Variants in PARD3B observed in about 807,000 individuals in gnomAD.
PARD3B encodes the protein par-3 family cell polarity regulator beta.
A neutral mutation model predicts 130.2 loss-of-function variants in PARD3B; 103 were observed. The observed-to-expected ratio is 0.79, with a 90% CI of 0.67 to 0.93. PARD3B has a LOEUF of 0.93. Among genes scored for constraint, PARD3B ranks in the 40% least tolerant of loss-of-function variants. The pLI, the probability that PARD3B is intolerant of heterozygous loss-of-function variation, is 0.00. For missense variants in PARD3B, 1,609 were observed against 1,499.2 expected, an observed-to-expected ratio of 1.07 and a Z score of -1.21; for synonymous variants, 583 against 553.2, an observed-to-expected ratio of 1.05 and a Z score of -0.76.
chr2:204,918,168 T>C (rs912927580), intron 2 of PARD3B, among the ~76,000 whole-genome samples: 3 of 152,222 alleles, frequency 2.0e-5, no homozygotes, highest in Non-Finnish European at 1.5e-5. Context: ...ATGTAAAATA[T>C]ATACCTTCAA....
At chr2:205,236,789 C>G (rs2039081842) in intron 15 of PARD3B, among the ~76,000 whole-genome samples, 1 of 152,138 alleles carries the variant, frequency 6.6e-6, no homozygotes, top group Non-Finnish European at 1.5e-5. Context: ...CATCACGTTA[C>G]TGACATCACT....
At chr2:205,104,349 C>T (rs1703042125) in intron 4 of PARD3B, 77 bp from the exon 5 acceptor site, 8 of 1,065,844 alleles carry the variant, frequency 7.5e-6, no homozygotes, top group African/African-American at 3.1e-5. Context: ...GTTTACTCTC[C>T]CATATTGGGA....
chr2:205,455,196 T>C (rs1415851087), intron 20 of PARD3B, among the ~76,000 whole-genome samples: 1 of 152,058 alleles, frequency 6.6e-6, no homozygotes, highest in African/African-American at 2.4e-5. Flanking sequence ...TCTGGCTCAG[T>C]TTCCACATCT....
intron 1 of PARD3B, among the ~76,000 whole-genome samples, chr2:204,569,677 G>C (rs889217645): frequency 2.0e-5 from 3 of 152,176 alleles, no homozygotes; most frequent in Non-Finnish European, 4.4e-5. Flanking sequence ...AGAAATTTTA[G>C]ATCTTCCCTT....
At chr2:205,534,118 T>C (rs552424404) in intron 21 of PARD3B, among the ~76,000 whole-genome samples, 3 of 152,046 alleles carry the variant, frequency 2.0e-5, no homozygotes, top group Admixed American at 2.0e-4. Flanking sequence ...ATAACTATTA[T>C]TTCACTTGAT....
intron 3 of PARD3B, among the ~76,000 whole-genome samples, chr2:205,029,612 C>T (rs759050923): frequency 3.3e-5 from 5 of 152,194 alleles, no homozygotes; most frequent in African/African-American, 7.2e-5. Context: ...GCTCCTACAG[C>T]GCTTTCCAGT....
chr2:204,613,610 C>T (rs2034007731), intron 1 of PARD3B, among the ~76,000 whole-genome samples: 1 of 151,900 alleles, frequency 6.6e-6, no homozygotes, highest in African/African-American at 2.4e-5. Context: ...TTTTCCCTTT[C>T]TTTGTCTTTT....
In PARD3B at chr2:205,591,785, A is replaced by G. The variant is rs2054394417; in HGVS notation, c.3261-23671A>G. ...ATAAAAAGAGAAGGTCTGGTGGTTC[A>G]GGTCACTGAAGAAAAGGAAGCTGTC... On this transcript the variant is annotated intron_variant, in intron 22 of 22. Transcript: ENST00000406610. This position sits in a 1 kb window ranked among gnomAD's most constrained non-coding sequence, Gnocchi z 4.2. 6.6e-6 allele frequency among the ~76,000 whole-genome samples: 1 copy of G among 152,216 alleles called. No individual in the cohort carries two copies. The highest frequency in any genetic ancestry group is 1.5e-5 in the Non-Finnish European group (1 of 68,032).
At chr2:205,053,872 G>A (rs1699407637) in intron 4 of PARD3B, among the ~76,000 whole-genome samples, 1 of 152,036 alleles carries the variant, frequency 6.6e-6, no homozygotes, top group Non-Finnish European at 1.5e-5. Flanking sequence ...GCATTATTTA[G>A]AGATACTGAA....
At chr2:204,574,139 T>C (rs539244836) in intron 1 of PARD3B, among the ~76,000 whole-genome samples, 251 of 152,306 alleles carry the variant, frequency 1.6e-3, no homozygotes, top group African/African-American at 5.5e-3. Context: ...TGTTTAGTTA[T>C]TGTGTACAGC....
At chr2:205,019,005 C>T (rs1268647250) in intron 3 of PARD3B, among the ~76,000 whole-genome samples, 2 of 152,080 alleles carry the variant, frequency 1.3e-5, no homozygotes, top group African/African-American at 4.8e-5. Context: ...ACATATTGTT[C>T]ACCTACTTAA....
chr2:205,115,708 C>T (rs572131604), intron 6 of PARD3B, among the ~76,000 whole-genome samples: 8 of 152,210 alleles, frequency 5.3e-5, no homozygotes, highest in Admixed American at 3.3e-4. Flanking sequence ...TAACTCAACC[C>T]ATGTGTCTAG....
Position 204,677,072 on chromosome 2 carries a change from T to A in PARD3B, c.121-9109T>A, listed in dbSNP as rs1053120297. Among the ~76,000 whole-genome samples the A allele has an allele frequency of 1.4e-4, 22 of 152,182 alleles. No individual in the cohort carries two copies. The highest frequency in any genetic ancestry group is 3.9e-4 in the Admixed American group (6 of 15,282). On this transcript the variant is annotated intron_variant, in intron 1 of 22. Coordinates refer to ENST00000406610, the MANE Select transcript of PARD3B (RefSeq NM_001302769.2). This position sits in a 1 kb window ranked among gnomAD's most constrained non-coding sequence, Gnocchi z 4.1. ...CAGAAAAAGCCAAATCTCTCTTTTA[T>A]GTGGAAGGCTTTTAGTTGGATTGGA...
intron 1 of PARD3B, among the ~76,000 whole-genome samples, chr2:204,645,080 G>A: frequency 6.6e-6 from 1 of 152,220 alleles, no homozygotes; most frequent in Middle Eastern, 3.4e-3. Flanking sequence ...GATTTTATTT[G>A]ATATTAAAGC....
At chr2:205,478,284 T>G (rs2049097532) in intron 20 of PARD3B, among the ~76,000 whole-genome samples, 1 of 152,198 alleles carries the variant, frequency 6.6e-6, no homozygotes, top group Admixed American at 6.5e-5. Flanking sequence ...AACCTGTCTG[T>G]GTGTCTCTCC....
intron 16 of PARD3B, among the ~76,000 whole-genome samples, chr2:205,282,760 A>C (rs1363029371): frequency 6.6e-6 from 1 of 152,170 alleles, no homozygotes; most frequent in Non-Finnish European, 1.5e-5. Flanking sequence ...AAGTTCTCTG[A>C]AAAGGAAGTT....
intron 21 of PARD3B, among the ~76,000 whole-genome samples, chr2:205,541,890 T>A (rs889893676): frequency 2.0e-5 from 3 of 149,072 alleles, no homozygotes; most frequent in African/African-American, 7.4e-5. Flanking sequence ...ACACCTGTAA[T>A]CCCAGCACTT....
At chr2:205,133,648 G>A (rs1329156166) in intron 10 of PARD3B, among the ~76,000 whole-genome samples, 2 of 152,172 alleles carry the variant, frequency 1.3e-5, no homozygotes, top group African/African-American at 4.8e-5. Context: ...GTCTTGTTCT[G>A]GGAAAAATAT....
At chr2:205,036,273 A>C (rs1312320741) in intron 3 of PARD3B, among the ~76,000 whole-genome samples, 1 of 103,058 alleles carries the variant, frequency 9.7e-6, no homozygotes, top group East Asian at 2.0e-4. Context: ...CTATATATAT[A>C]AATATATGTA....
Sources: gnomAD v4.1 joint callset for allele counts (sites outside exome capture counted in the v4.1 genomes callset) on GRCh38, gnomAD v4.1.1 for gene constraint, Gnocchi (gnomAD v3.1) non-coding constraint, MANE v1.5 for transcripts, NCBI Gene and HGNC (gene_info 2026-07-23, HGNC 2026-07-21) for gene names.